NPAS3: variants seen among roughly 807,000 people sequenced by gnomAD.
The protein encoded by NPAS3 is neuronal PAS domain protein 3.
NPAS3 carries 14 observed loss-of-function variants against 73.1 expected under a neutral mutation model. That is an observed-to-expected ratio of 0.19 (90% confidence interval 0.13 to 0.30). The LOEUF (loss-of-function observed/expected upper bound fraction) is 0.30. Among genes scored for constraint, NPAS3 ranks in the 10% least tolerant of loss-of-function variants. The probability of loss-of-function intolerance (pLI) is 1.00; values close to 1 mark genes in which losing one functional copy is unlikely to be tolerated. For synonymous variants in NPAS3, 620 were observed against 541.5 expected (o/e 1.14, Z -2.01); for missense variants, 1,096 against 1,250.0 (o/e 0.88, Z 1.86).
upstream of NPAS3, among the ~76,000 whole-genome samples, chr14:32,938,840 G>A (rs1267261501): frequency 6.9e-6 from 1 of 145,846 alleles, no homozygotes; most frequent in Non-Finnish European, 1.5e-5. Flanking sequence ...TCCCCCCGCC[G>A]CCGCCGCCGC....
chr14:33,768,011 C>T (rs781492231), intron 7 of NPAS3, among the ~76,000 whole-genome samples: 11 of 152,150 alleles, frequency 7.2e-5, no homozygotes, highest in Non-Finnish European at 1.5e-4. Context: ...ACTCTGCGGA[C>T]ATGCATCTAA....
At chr14:33,719,933 A>G (rs1044783212) in intron 6 of NPAS3, among the ~76,000 whole-genome samples, 1 of 152,188 alleles carries the variant, frequency 6.6e-6, no homozygotes, top group Non-Finnish European at 1.5e-5. Context: ...GCAGATAATA[A>G]CAGAATTTGG....
chr14:33,753,702 G>A (rs1046008159), intron 7 of NPAS3, among the ~76,000 whole-genome samples: 1 of 152,148 alleles, frequency 6.6e-6, no homozygotes, highest in Admixed American at 6.5e-5. Flanking sequence ...TCTGACTTCA[G>A]CAGCTACAAC....
At chr14:33,008,459 A>T (rs1031249880) in intron 1 of NPAS3, among the ~76,000 whole-genome samples, 2 of 152,254 alleles carry the variant, frequency 1.3e-5, no homozygotes, top group African/African-American at 4.8e-5. Flanking sequence ...ACTTGATAAC[A>T]GTGATTATCT....
chr14:33,394,641 G>A (rs1396859181), intron 4 of NPAS3, among the ~76,000 whole-genome samples: 2 of 152,078 alleles, frequency 1.3e-5, no homozygotes, highest in African/African-American at 2.4e-5. Flanking sequence ...GGATCTACAT[G>A]TATCATTTTT....
intron 5 of NPAS3, among the ~76,000 whole-genome samples, chr14:33,613,589 C>G (rs1166443690): frequency 6.6e-6 from 1 of 152,164 alleles, no homozygotes; most frequent in South Asian, 2.1e-4. Flanking sequence ...GCTCCAGCCC[C>G]ATCCTTCGGT....
chr14:32,962,423 G>A (rs563771260), intron 1 of NPAS3, among the ~76,000 whole-genome samples: 1 of 152,026 alleles, frequency 6.6e-6, no homozygotes, highest in Non-Finnish European at 1.5e-5. Flanking sequence ...AGAAGATACT[G>A]TGTTTATAAA....
At chr14:33,402,570 C>T (rs944347065) in intron 4 of NPAS3, among the ~76,000 whole-genome samples, 1 of 152,152 alleles carries the variant, frequency 6.6e-6, no homozygotes, top group Admixed American at 6.6e-5. Context: ...TCCTCATCCT[C>T]TGTGGTGCCT....
intron 2 of NPAS3, among the ~76,000 whole-genome samples, chr14:33,196,440 A>C (rs555274291): frequency 1.3e-4 from 20 of 152,292 alleles, no homozygotes; most frequent in African/African-American, 4.3e-4. Flanking sequence ...TCAACAGGCC[A>C]TCTCTCTCTT....
At chr14:33,532,346 TTTACTATTAA>T (rs1315656717) in intron 4 of NPAS3, among the ~76,000 whole-genome samples, 1 of 152,136 alleles carries the variant, frequency 6.6e-6, no homozygotes, top group African/African-American at 2.4e-5. Context: ...GTAGCCAACA[TTTACTATTAA>T]TTAGAGATTA....
intron 1 of NPAS3, among the ~76,000 whole-genome samples, chr14:33,054,449 A>C (rs766425614): frequency 1.6e-4 from 25 of 152,162 alleles, no homozygotes; most frequent in Non-Finnish European, 3.2e-4. Flanking sequence ...TTTGAATATA[A>C]CACAGAGAAT....
At chr14:33,553,044 C>T (rs1034573904) in intron 4 of NPAS3, among the ~76,000 whole-genome samples, 5 of 152,284 alleles carry the variant, frequency 3.3e-5, no homozygotes, top group East Asian at 3.9e-4. Flanking sequence ...AATGGAGCCC[C>T]GGTTCCTCTG....
intron 2 of NPAS3, among the ~76,000 whole-genome samples, chr14:33,124,968 T>A (rs541847964): frequency 1.3e-5 from 2 of 152,234 alleles, no homozygotes; most frequent in South Asian, 4.1e-4. Flanking sequence ...TTGGAATAGA[T>A]GTAGTTCAAG....
intron 3 of NPAS3, among the ~76,000 whole-genome samples, chr14:33,227,411 G>T (rs991959477): frequency 6.6e-5 from 10 of 152,092 alleles, no homozygotes; most frequent in Non-Finnish European, 1.2e-4. Context: ...CTCTTGCTAG[G>T]GTGTCTTAGT....
At chr14:33,091,882 C>T (rs2042237378) in intron 2 of NPAS3, among the ~76,000 whole-genome samples, 1 of 152,168 alleles carries the variant, frequency 6.6e-6, no homozygotes, top group Non-Finnish European at 1.5e-5. Flanking sequence ...ACATGATTAT[C>T]TCAATAGATG....
chr14:33,656,440 T>C (rs1490053360), intron 5 of NPAS3, among the ~76,000 whole-genome samples: 6 of 152,184 alleles, frequency 3.9e-5, no homozygotes, highest in African/African-American at 1.2e-4. Context: ...GGCTTACAGT[T>C]AGAAAGTAGG....
intron 4 of NPAS3, among the ~76,000 whole-genome samples, chr14:33,474,686 T>A (rs1468204547): frequency 1.3e-5 from 2 of 152,060 alleles, no homozygotes; most frequent in Non-Finnish European, 2.9e-5. Flanking sequence ...GAGAAGGGTA[T>A]AAATTTGAGA....
chr14:33,054,952 T>G (rs548944352), intron 1 of NPAS3, among the ~76,000 whole-genome samples: 1 of 152,252 alleles, frequency 6.6e-6, no homozygotes, highest in African/African-American at 2.4e-5. Context: ...CATCACATGT[T>G]TTTAATTAAT....
At chr14:33,150,836 C>T (rs2044418389) in intron 2 of NPAS3, among the ~76,000 whole-genome samples, 2 of 151,334 alleles carry the variant, frequency 1.3e-5, no homozygotes, top group African/African-American at 2.4e-5. Context: ...ATTATGAAGT[C>T]ATTTTGCCAC....
Sources: gnomAD v4.1 joint callset for allele counts (sites outside exome capture counted in the v4.1 genomes callset) on GRCh38, gnomAD v4.1.1 for gene constraint, MANE v1.5 for transcripts, NCBI Gene and HGNC (gene_info 2026-07-23, HGNC 2026-07-21) for gene names.